NBN: variants seen among roughly 807,000 people sequenced by gnomAD.
NBN encodes nibrin, also known as Nijmegen breakage syndrome 1 (nibrin).
In NBN, 88 loss-of-function variants were observed where a neutral mutation model predicts 90.8. The observed-to-expected ratio is 0.97, with a 90% CI of 0.82 to 1.16. NBN has a LOEUF of 1.16. NBN is among the 50% of genes most tolerant of loss of function. The pLI is 0.00. For missense variants in NBN, 894 were observed against 869.6 expected, an observed-to-expected ratio of 1.03 and a Z score of -0.35; for synonymous variants, 328 against 295.1, an observed-to-expected ratio of 1.11 and a Z score of -1.14.
At chr8:89,963,441 A>G (rs1763284075) in intron 8 of NBN, among the ~76,000 whole-genome samples, 1 of 152,240 alleles carries the variant, frequency 6.6e-6, no homozygotes, top group Admixed American at 6.5e-5. Flanking sequence ...TAAGGAATAC[A>G]GAATGGATGC....
At chr8:89,938,033 T>A (rs6998169) in intron 14 of NBN, among the ~76,000 whole-genome samples, 11,285 of 152,256 alleles carry the variant, frequency 0.074, 557 homozygotes, top group Middle Eastern at 0.16. Context: ...GTTCTTCCCC[T>A]CTTTAGCAAA....
At chr8:89,974,820 G>A (rs1352206293) in intron 5 of NBN, among the ~76,000 whole-genome samples, 6 of 152,214 alleles carry the variant, frequency 3.9e-5, no homozygotes, top group South Asian at 2.1e-4. Flanking sequence ...GTAAAGGAGG[G>A]TCAAGGCTTT....
At chr8:89,952,621 A>AC (rs1810494074) in intron 11 of NBN, among the ~76,000 whole-genome samples, 1 of 152,174 alleles carries the variant, frequency 6.6e-6, no homozygotes, top group African/African-American at 2.4e-5. Flanking sequence ...GGAGAGGATG[A>AC]CCACAGCCAT....
At chr8:89,949,658 T>C (rs1468524469) in intron 11 of NBN, among the ~76,000 whole-genome samples, 1 of 152,188 alleles carries the variant, frequency 6.6e-6, no homozygotes, top group African/African-American at 2.4e-5. Context: ...ACAGACATGC[T>C]ATAATCTAAA....
intron 4 of NBN, among the ~76,000 whole-genome samples, chr8:89,978,855 AAAAG>A (rs1166980842): frequency 6.6e-6 from 1 of 152,254 alleles, no homozygotes; most frequent in Non-Finnish European, 1.5e-5. Context: ...AAAGTGGAAA[AAAAG>A]AAACTTAAAC....
At chr8:89,941,068 A>T (rs1488098678) in intron 14 of NBN, among the ~76,000 whole-genome samples, 1 of 152,218 alleles carries the variant, frequency 6.6e-6, no homozygotes, top group African/African-American at 2.4e-5. Flanking sequence ...GTGAATGCAG[A>T]AAAAATAGAT....
chr8:89,980,901 T>C lies in NBN; in HGVS notation c.321-8A>G, dbSNP rs1586107521. ...AAAGGCTCATACTCTATTCTGTAAA[T>C]GAGAATAAGTTAAATAAAGTCATAG... On this transcript the variant is annotated splice_polypyrimidine_tract_variant and splice_region_variant and intron_variant, in intron 3 of 15. Coordinates refer to ENST00000265433, the MANE Select transcript of NBN (RefSeq NM_002485.5). 3.1e-6 allele frequency: 5 copies of C among 1,610,760 alleles called. No homozygotes were observed. Among genetic ancestry groups the C allele is most frequent in the Admixed American group, 1.7e-5 (1 of 59,988 alleles).
intron 5 of NBN, among the ~76,000 whole-genome samples, chr8:89,976,751 G>A (rs1811778420): frequency 6.6e-6 from 1 of 152,106 alleles, no homozygotes; most frequent in Non-Finnish European, 1.5e-5. Context: ...GTCAGACCTG[G>A]CACATACTGA....
In NBN at chr8:89,935,035, G is replaced by GT. The variant is rs1316246194; in HGVS notation, c.*546dup. ...TTTTGTTTGGATCACCAGAGTTTAG[G>GT]TAAGACTACAGCATAATGGAAAAGA... On this transcript the variant is annotated 3_prime_UTR_variant, in exon 16 of 16. Coordinates refer to ENST00000265433, the MANE Select transcript of NBN (RefSeq NM_002485.5). 8.6e-6 allele frequency: 2 copies of GT among 233,018 alleles called. No individual in the cohort carries two copies. The highest frequency in any genetic ancestry group is 1.7e-5 in the Non-Finnish European group (2 of 118,242). 14.4% of individuals were successfully genotyped at this position (233,018 alleles called of 1,614,324 possible).
chr8:89,975,276 T>C (rs1002880257), intron 5 of NBN, among the ~76,000 whole-genome samples: 2 of 152,244 alleles, frequency 1.3e-5, no homozygotes, highest in African/African-American at 4.8e-5. Context: ...TATTATAGTA[T>C]GCCTCCTAAT....
chr8:89,972,074 G>A (rs1811547033), intron 5 of NBN, among the ~76,000 whole-genome samples: 1 of 152,070 alleles, frequency 6.6e-6, no homozygotes, highest in African/African-American at 2.4e-5. Context: ...TGTAGGGAGG[G>A]AGAAATTCAC....
intron 9 of NBN, among the ~76,000 whole-genome samples, chr8:89,958,070 A>G (rs570977979): frequency 5.6e-4 from 85 of 152,324 alleles, no homozygotes; most frequent in Non-Finnish European, 7.2e-4. Context: ...TTAGATTATC[A>G]TAAGAACCTA....
intron 7 of NBN, among the ~76,000 whole-genome samples, chr8:89,969,788 C>T (rs552280097): frequency 9.7e-4 from 148 of 152,136 alleles, no homozygotes; most frequent in Non-Finnish European, 1.4e-3. Flanking sequence ...CCCATCTCTA[C>T]TAAAAATACA....
At chr8:89,971,101 C>T in intron 6 of NBN, 72 bp downstream of exon 6, 1 of 1,480,490 alleles carries the variant, frequency 6.8e-7, no homozygotes, top group South Asian at 1.2e-5. Flanking sequence ...TTAACAACTA[C>T]TGATAAGAGT....
At chr8:89,965,665 T>C (rs1447860915) in intron 7 of NBN, among the ~76,000 whole-genome samples, 1 of 152,092 alleles carries the variant, frequency 6.6e-6, no homozygotes, top group Non-Finnish European at 1.5e-5. Context: ...AATTTTTGTA[T>C]TTTTAGTAGA....
intron 13 of NBN, 81 bp downstream of exon 13, chr8:89,946,059 C>CT: frequency 8.9e-7 from 1 of 1,127,600 alleles, no homozygotes. Flanking sequence ...ACATAAACTG[C>CT]TTTTATCTTT....
At chr8:89,961,587 T>C (rs1030466603) in intron 8 of NBN, among the ~76,000 whole-genome samples, 1 of 152,174 alleles carries the variant, frequency 6.6e-6, no homozygotes, top group Non-Finnish European at 1.5e-5. Context: ...CTGAACATTC[T>C]AGGAATGGAA....
At chr8:89,938,849 A>G (rs983186174) in intron 14 of NBN, among the ~76,000 whole-genome samples, 2 of 152,230 alleles carry the variant, frequency 1.3e-5, no homozygotes, top group Admixed American at 1.3e-4. Context: ...AGCTGTCAAA[A>G]TAACTACTGG....
At chr8:89,982,175 C>T (rs1054249053) in intron 2 of NBN, among the ~76,000 whole-genome samples, 4 of 152,070 alleles carry the variant, frequency 2.6e-5, no homozygotes, top group African/African-American at 9.7e-5. Context: ...ATGATCAAAA[C>T]AAACTGAAAG....
Sources: allele counts gnomAD v4.1 joint callset (sites outside exome capture counted in the v4.1 genomes callset), GRCh38; gene constraint gnomAD v4.1.1; transcripts MANE v1.5; gene names NCBI Gene and HGNC (gene_info 2026-07-23, HGNC 2026-07-21).